RIMS1: variants seen among roughly 807,000 people sequenced by gnomAD.
The protein encoded by RIMS1 is regulating synaptic membrane exocytosis 1.
Under a neutral mutation model 214.1 loss-of-function variants are expected in RIMS1, and 83 were observed. The observed-to-expected ratio is 0.39, with a 90% CI of 0.32 to 0.47. The LOEUF (loss-of-function observed/expected upper bound fraction) is 0.47, where lower values mean the gene tolerates loss of function less well. RIMS1 is among the 20% of genes least tolerant of loss of function. The pLI is 0.99. For missense variants in RIMS1, 2,050 were observed against 2,161.8 expected, an observed-to-expected ratio of 0.95 and a Z score of 1.03; for synonymous variants, 793 against 786.8, an observed-to-expected ratio of 1.01 and a Z score of -0.13.
chr6:72,077,322 G>A lies in RIMS1; in HGVS notation c.246-19627G>A, dbSNP rs1425145473. ...CTTTTGTTAATCTGATTTATCACCT[G>A]CCTCTCTTAGTTACCTACAAGTTTT... On this transcript the variant is annotated intron_variant, in intron 2 of 33. Coordinates refer to ENST00000521978, the MANE Select transcript of RIMS1 (RefSeq NM_014989.7). Among the ~76,000 whole-genome samples the A allele has an allele frequency of 3.3e-5, 5 of 152,274 alleles. 1 individual carries two copies. The South Asian group carries it at 1.0e-3, about 32-fold the overall frequency.
At chr6:71,969,160 G>T (rs1421978934) in intron 2 of RIMS1, 97 bp downstream of exon 2, 1 of 1,143,464 alleles carries the variant, frequency 8.7e-7, no homozygotes, top group Non-Finnish European at 1.3e-6. Flanking sequence ...TAGATACTCT[G>T]GCTGCTCTTG....
intron 1 of RIMS1, among the ~76,000 whole-genome samples, chr6:71,908,217 T>A (rs993732776): frequency 2.6e-5 from 4 of 152,220 alleles, no homozygotes; most frequent in African/African-American, 9.6e-5. Context: ...TCACTTTATC[T>A]TCTTTTTTCC....
At chr6:71,917,662 T>A (rs1778821942) in intron 1 of RIMS1, among the ~76,000 whole-genome samples, 1 of 152,112 alleles carries the variant, frequency 6.6e-6, no homozygotes, top group Non-Finnish European at 1.5e-5. Flanking sequence ...CAGGATTCTG[T>A]CTGAAGAATA....
chr6:72,338,401 A>C (rs1246670171), intron 29 of RIMS1, among the ~76,000 whole-genome samples: 1 of 152,072 alleles, frequency 6.6e-6, no homozygotes, highest in Non-Finnish European at 1.5e-5. Context: ...TTCAGGACAT[A>C]GGCATGGGCA....
At chr6:72,381,502 T>A (rs1392561150) in intron 29 of RIMS1, among the ~76,000 whole-genome samples, 5 of 152,276 alleles carry the variant, frequency 3.3e-5, no homozygotes, top group Admixed American at 6.5e-5. Context: ...CTTATCTGGC[T>A]TTAGCCAAAA....
intron 1 of RIMS1, among the ~76,000 whole-genome samples, chr6:71,909,563 T>G (rs951384872): frequency 3.3e-5 from 5 of 152,322 alleles, no homozygotes; most frequent in African/African-American, 1.2e-4. Context: ...GAATGTTTTA[T>G]TCATTTTAAT....
chr6:72,211,776 T>C (rs1188440895), intron 6 of RIMS1, among the ~76,000 whole-genome samples: 1 of 152,180 alleles, frequency 6.6e-6, no homozygotes, highest in Non-Finnish European at 1.5e-5. Context: ...ATTAAAAATA[T>C]TGGCATTTGA....
chr6:72,044,152 T>C (rs1585548665), intron 2 of RIMS1, among the ~76,000 whole-genome samples: 1 of 151,680 alleles, frequency 6.6e-6, no homozygotes. Flanking sequence ...AAATAGACAT[T>C]GCTGAAACAA....
At chr6:72,394,998 G>A (rs1229048716) in intron 31 of RIMS1, among the ~76,000 whole-genome samples, 1 of 151,690 alleles carries the variant, frequency 6.6e-6, no homozygotes. Flanking sequence ...TTAGAGAATG[G>A]GAAATATAGT....
At chr6:71,978,419 A>G (rs887076182) in intron 2 of RIMS1, among the ~76,000 whole-genome samples, 4 of 152,076 alleles carry the variant, frequency 2.6e-5, no homozygotes, top group Non-Finnish European at 4.4e-5. Context: ...AAAATTTTTT[A>G]TTGTGATTTT....
At chr6:72,183,726 A>C (rs1162159041) in intron 6 of RIMS1, among the ~76,000 whole-genome samples, 1 of 152,092 alleles carries the variant, frequency 6.6e-6, no homozygotes, top group Non-Finnish European at 1.5e-5. Context: ...GAATTGCAGC[A>C]ATTTTAAAAA....
chr6:72,100,267 G>T (rs2033212610), intron 4 of RIMS1, among the ~76,000 whole-genome samples: 1 of 151,936 alleles, frequency 6.6e-6, no homozygotes, highest in South Asian at 2.1e-4. Flanking sequence ...TCTGAGTTTT[G>T]ATGATTATTC....
intron 6 of RIMS1, among the ~76,000 whole-genome samples, chr6:72,229,049 T>C (rs2061157448): frequency 6.6e-6 from 1 of 151,912 alleles, no homozygotes; most frequent in Admixed American, 6.6e-5. Flanking sequence ...ATACCTTTTT[T>C]TTTTGGTCCT....
chr6:72,298,792 C>G (rs2094343830), intron 26 of RIMS1, among the ~76,000 whole-genome samples: 1 of 151,884 alleles, frequency 6.6e-6, no homozygotes, highest in Admixed American at 6.6e-5. Flanking sequence ...CCCAATTTTG[C>G]AGCATTCAGT....
intron 2 of RIMS1, among the ~76,000 whole-genome samples, chr6:71,978,540 T>C (rs1219888269): frequency 1.3e-5 from 2 of 152,066 alleles, no homozygotes; most frequent in Non-Finnish European, 2.9e-5. Context: ...TATTGCACCT[T>C]TTAAAAATAT....
intron 2 of RIMS1, among the ~76,000 whole-genome samples, chr6:72,054,921 T>C (rs768241844): frequency 3.9e-5 from 6 of 152,216 alleles, no homozygotes; most frequent in Admixed American, 6.5e-5. Context: ...AGAAGCTCTT[T>C]AGTTTAACTA....
At chr6:72,059,635 A>G (rs1827314376) in intron 2 of RIMS1, among the ~76,000 whole-genome samples, 1 of 152,244 alleles carries the variant, frequency 6.6e-6, no homozygotes, top group South Asian at 2.1e-4. Flanking sequence ...AGAAGGAATA[A>G]TTAAACATAA....
chr6:72,343,517 G>T (rs2746206), intron 29 of RIMS1, among the ~76,000 whole-genome samples: 16,019 of 52,634 alleles, frequency 0.3, 797 homozygotes, highest in African/African-American at 0.36. Flanking sequence ...TTTTTTTTTT[G>T]TGTGTGTGGT....
chr6:72,390,461 A>G, intron 29 of RIMS1, 137 bp from the exon 30 acceptor site: 4 of 982,724 alleles, frequency 4.1e-6, no homozygotes, highest in Non-Finnish European at 5.8e-6. Flanking sequence ...CAAGCAAAGT[A>G]CTCCCTTAGG....
Sources: gnomAD v4.1 joint callset for allele counts (sites outside exome capture counted in the v4.1 genomes callset) on GRCh38, gnomAD v4.1.1 for gene constraint, MANE v1.5 for transcripts, NCBI Gene and HGNC (gene_info 2026-07-23, HGNC 2026-07-21) for gene names.